The following MMD variants were observed in gnomAD, a reference collection of about 807,000 sequenced individuals.
MMD encodes monocyte to macrophage differentiation associated.
MMD carries 22 observed loss-of-function variants against 33.6 expected under a neutral mutation model. That is an observed-to-expected ratio of 0.66 (90% confidence interval 0.47 to 0.94). The LOEUF (loss-of-function observed/expected upper bound fraction) is 0.94, where lower values mean the gene tolerates loss of function less well. Ranked by LOEUF, MMD falls within the 40% of genes least tolerant of loss-of-function variation. The pLI is 0.00. For missense variants in MMD, 242 were observed against 309.8 expected, an observed-to-expected ratio of 0.78 and a Z score of 1.64; for synonymous variants, 97 against 103.2, an observed-to-expected ratio of 0.94 and a Z score of 0.36.
In MMD at chr17:55,394,412, G is replaced by T; in HGVS notation, c.639C>A (p.Ala213=). 1 of 1,508,460 alleles carries T rather than the reference G, an allele frequency of 6.6e-7. No homozygotes were observed. The highest frequency in any genetic ancestry group is 1.4e-5 in the South Asian group (1 of 73,698). 93.4% of individuals were successfully genotyped at this position (1,508,460 alleles called of 1,614,324 possible). A position where few individuals can be genotyped will look rare whatever the true frequency, so the allele number is the denominator to read the frequency against. The change falls in exon 7 of 7, where the codon GCC becomes GCA. Residue 213 remains alanine, a synonymous_variant. Coordinates refer to ENST00000262065, the MANE Select transcript of MMD (RefSeq NM_012329.3). The part of the protein sequence containing the change: ...FAHAIWHLFV[A]TAAAVHYYAI... ...CGTAGTAATGCACTGCAGCTGCCGTGGCCACAAACAGGTGCCAGATGGCGT... is the reference window on the plus strand; with the variant it reads ...CGTAGTAATGCACTGCAGCTGCCGTTGCCACAAACAGGTGCCAGATGGCGT...
intron 1 of MMD, among the ~76,000 whole-genome samples, chr17:55,414,511 A>G (rs1907888375): frequency 2.0e-5 from 3 of 151,026 alleles, no homozygotes; most frequent in African/African-American, 7.3e-5. Context: ...CCAAAAGCAA[A>G]GAGAAACCAT....
chr17:55,393,651 G>T lies in MMD; in HGVS notation c.*683C>A, dbSNP rs1457062431. On this transcript the variant is annotated 3_prime_UTR_variant, in exon 7 of 7. Coordinates refer to ENST00000262065, the MANE Select transcript of MMD (RefSeq NM_012329.3). Reference sequence around the variant, plus strand: ...CAAAGCAGCACTGAATTCAGAGTAAGAGGTTGGCAGAAAAGTTTGGAAAAC... The same window carrying T: ...CAAAGCAGCACTGAATTCAGAGTAATAGGTTGGCAGAAAAGTTTGGAAAAC... 1 of 152,656 alleles carries T rather than the reference G, an allele frequency of 6.6e-6. No homozygotes were observed. The highest frequency in any genetic ancestry group is 1.5e-5 in the Non-Finnish European group (1 of 68,036). 9.5% of individuals were successfully genotyped at this position (152,656 alleles called of 1,614,324 possible).
chr17:55,408,729 G>C (rs1287534685), intron 3 of MMD, among the ~76,000 whole-genome samples: 1 of 152,198 alleles, frequency 6.6e-6, no homozygotes, highest in African/African-American at 2.4e-5. Context: ...GCCTGGGCAT[G>C]GTGGCTCACA....
At chr17:55,398,897 C>T (rs998866272) in intron 6 of MMD, among the ~76,000 whole-genome samples, 3 of 152,196 alleles carry the variant, frequency 2.0e-5, no homozygotes, top group South Asian at 2.1e-4. Flanking sequence ...ATTTATCTTC[C>T]AGCCTTCTAA....
At chr17:55,400,285 C>T (rs998071248) in intron 6 of MMD, among the ~76,000 whole-genome samples, 2 of 152,132 alleles carry the variant, frequency 1.3e-5, no homozygotes, top group African/African-American at 2.4e-5. Context: ...TGATGGCTTA[C>T]GCATATAATC....
chr17:55,404,301 G>A (rs920709514), intron 4 of MMD, among the ~76,000 whole-genome samples: 2 of 151,950 alleles, frequency 1.3e-5, no homozygotes, highest in Non-Finnish European at 2.9e-5. Flanking sequence ...GTTGCAGTGA[G>A]CTGAGATTGC....
intron 6 of MMD, among the ~76,000 whole-genome samples, chr17:55,399,248 A>AG (rs1224250022): frequency 2.1e-5 from 1 of 47,908 alleles, no homozygotes; most frequent in African/African-American, 1.2e-4. Context: ...TTCAGAGCCA[A>AG]AAAAACAGTT....
chr17:55,407,382 C>T (rs190862576), intron 4 of MMD, among the ~76,000 whole-genome samples: 1 of 152,086 alleles, frequency 6.6e-6, no homozygotes, highest in Admixed American at 6.6e-5. Flanking sequence ...TACAGCATTT[C>T]CACTTGAATA....
intron 6 of MMD, among the ~76,000 whole-genome samples, chr17:55,395,792 G>A (rs1281103783): frequency 6.6e-6 from 1 of 152,124 alleles, no homozygotes; most frequent in Admixed American, 6.5e-5. Flanking sequence ...AATACCACAC[G>A]TTATTAATTC....
chr17:55,398,111 CAAAA>C (rs57881926), intron 6 of MMD, among the ~76,000 whole-genome samples: 57,244 of 132,086 alleles, frequency 0.43, 11,753 homozygotes, highest in Middle Eastern at 0.49. Context: ...ATTATTTCTT[CAAAA>C]AAAAAAAAAA....
At chr17:55,394,973 C>T (rs1006015987) in intron 6 of MMD, among the ~76,000 whole-genome samples, 29 of 152,240 alleles carry the variant, frequency 1.9e-4, no homozygotes, top group African/African-American at 6.5e-4. Flanking sequence ...CTTTGTCCTT[C>T]TCAAACACTG....
rs775749295 is a variant in MMD at position 55,421,697 on chromosome 17, G to T, written c.-2C>A. ...CTGGAATCGATTCTTGAACCGCATT[G>T]ATCCTCTGCTCCTCCTCGGGGGCCA... On this transcript the variant is annotated 5_prime_UTR_variant, in exon 1 of 7. Transcript: ENST00000262065. The T allele has an allele frequency of 1.3e-6, 2 of 1,593,028 alleles. No individual in the cohort carries two copies. The highest frequency in any genetic ancestry group is 1.7e-6 in the Non-Finnish European group (2 of 1,170,820).
At chr17:55,421,198 T>C (rs1908171971) in intron 1 of MMD, among the ~76,000 whole-genome samples, 1 of 152,002 alleles carries the variant, frequency 6.6e-6, no homozygotes, top group Admixed American at 6.5e-5. Flanking sequence ...TTACGACAAA[T>C]CTCTCCGCAG....
chr17:55,405,904 C>G (rs1907524876), intron 4 of MMD, among the ~76,000 whole-genome samples: 1 of 152,130 alleles, frequency 6.6e-6, no homozygotes, highest in South Asian at 2.1e-4. Context: ...TAGAAGAAAG[C>G]TAATGTTTCT....
intron 2 of MMD, 76 bp from the exon 3 acceptor site, chr17:55,411,493 G>T (rs753965429): frequency 1.8e-5 from 25 of 1,424,716 alleles, no homozygotes; most frequent in Non-Finnish European, 2.2e-5. Context: ...AAAATACAGA[G>T]CTTTACCAGG....
In MMD at chr17:55,394,469, G is replaced by A. The variant is rs896408828; in HGVS notation, c.582C>T (p.Phe194=). 1 of 1,547,504 alleles carries A rather than the reference G, an allele frequency of 6.5e-7. No individual in the cohort carries two copies. The highest frequency in any genetic ancestry group is 8.7e-7 in the Non-Finnish European group (1 of 1,151,194). Residue 194 remains phenylalanine, a synonymous_variant, in exon 7 of 7, where the codon TTC becomes TTT. Transcript: ENST00000262065. ...GGLIYCLGVV[F]FKSDGIIPFA... Reference sequence around the variant, plus strand: ...ATGGAATGATGCCATCACTCTTGAAGAACACAACTCCCAAGCAATAAATTA... The same window carrying A: ...ATGGAATGATGCCATCACTCTTGAAAAACACAACTCCCAAGCAATAAATTA...
intron 1 of MMD, among the ~76,000 whole-genome samples, chr17:55,417,244 A>G (rs1295868166): frequency 6.6e-6 from 1 of 152,104 alleles, no homozygotes; most frequent in Non-Finnish European, 1.5e-5. Flanking sequence ...TATATTTCAA[A>G]TAAGTCCACC....
chr17:55,407,882 T>C, intron 3 of MMD, 62 bp from the exon 4 acceptor site: 1 of 1,188,246 alleles, frequency 8.4e-7, no homozygotes, highest in Non-Finnish European at 1.2e-6. Flanking sequence ...GTACGGGTTA[T>C]CACTCCACTA....
chr17:55,397,826 C>A (rs1907165192), intron 6 of MMD, among the ~76,000 whole-genome samples: 1 of 152,084 alleles, frequency 6.6e-6, no homozygotes, highest in African/African-American at 2.4e-5. Flanking sequence ...CATGCGTGAG[C>A]CACAGCACCC....
Sources: allele counts gnomAD v4.1 joint callset (sites outside exome capture counted in the v4.1 genomes callset), GRCh38; gene constraint gnomAD v4.1.1; transcripts MANE v1.5; gene names NCBI Gene and HGNC (gene_info 2026-07-23, HGNC 2026-07-21).